The following TLN1 variants were observed in gnomAD, a reference collection of about 807,000 sequenced individuals.
The protein encoded by TLN1 is talin-1.
Under a neutral mutation model 292.3 loss-of-function variants are expected in TLN1, and 56 were observed. That is an observed-to-expected ratio of 0.19 (90% CI 0.15 to 0.24). The LOEUF is 0.24. Among genes scored for constraint, TLN1 ranks in the 10% least tolerant of loss-of-function variants. The probability of loss-of-function intolerance (pLI) is 1.00; values close to 1 mark genes in which losing one functional copy is unlikely to be tolerated. For synonymous variants in TLN1, 1,119 were observed against 1,253.7 expected, an observed-to-expected ratio of 0.89 and a Z score of 2.27; for missense variants, 2,433 against 3,248.2, an observed-to-expected ratio of 0.75 and a Z score of 6.10.
chr9:35,712,648 CAAA>C (rs1282155556), intron 27 of TLN1, among the ~76,000 whole-genome samples, 184 bp downstream of exon 27: 1 of 72,210 alleles, frequency 1.4e-5, no homozygotes, highest in African/African-American at 6.1e-5. Flanking sequence ...AACTCTGTCT[CAAA>C]AAAAAAAAAA....
At chr9:35,729,611 T>C (rs1340130385) in intron 1 of TLN1, among the ~76,000 whole-genome samples, 1 of 152,174 alleles carries the variant, frequency 6.6e-6, no homozygotes. Context: ...TTAGTACAAA[T>C]TAAAGGTAAT....
In TLN1 at chr9:35,707,450, C is replaced by T. The variant is rs1563940669; in HGVS notation, c.4671G>A (p.Gln1557=). The part of the protein sequence containing the change: ...DGAFTEENRA[Q]CRAATAPLLE... ...GCAGAGGGGCTGTTGCTGCTCGGCACTGGGCACGGTTCTCCTCTGTGAAGG... is the reference window on the plus strand; with the variant it reads ...GCAGAGGGGCTGTTGCTGCTCGGCATTGGGCACGGTTCTCCTCTGTGAAGG... Residue 1557 remains glutamine, a synonymous_variant, in exon 36 of 57, where the codon CAG becomes CAA. Coordinates refer to ENST00000314888, the MANE Select transcript of TLN1 (RefSeq NM_006289.4). This position sits in a 1 kb window ranked among gnomAD's most constrained non-coding sequence, Gnocchi z 5.6. 1 of 1,614,180 alleles carries T rather than the reference C, an allele frequency of 6.2e-7. No homozygotes were observed.
At chr9:35,700,409 A>G in intron 48 of TLN1, 33 bp from the exon 49 acceptor site, 2 of 1,582,304 alleles carry the variant, frequency 1.3e-6, no homozygotes, top group South Asian at 1.1e-5. Flanking sequence ...AAGATTTTAC[A>G]GTGGCTGAGA....
chr9:35,726,759 G>A (rs1249999180), intron 1 of TLN1, among the ~76,000 whole-genome samples: 1 of 152,204 alleles, frequency 6.6e-6, no homozygotes, highest in Non-Finnish European at 1.5e-5. Context: ...AACTCAAAGG[G>A]ATCTATCTCA....
intron 8 of TLN1, among the ~76,000 whole-genome samples, chr9:35,722,627 G>A (rs1825897504): frequency 6.6e-6 from 1 of 152,176 alleles, no homozygotes; most frequent in Non-Finnish European, 1.5e-5. Flanking sequence ...CAAATCAGAG[G>A]TAAATAAAAG....
At chr9:35,711,940 G>A in intron 28 of TLN1, 65 bp downstream of exon 28, 1 of 1,599,770 alleles carries the variant, frequency 6.3e-7, no homozygotes, top group Non-Finnish European at 8.5e-7. Context: ...ACAACCGAGA[G>A]GGAGGAAGGA....
At position 35,704,123 on chromosome 9, in the gene TLN1, C is replaced by T; in HGVS notation, c.6099G>A (p.Leu2033=). The T allele has an allele frequency of 1.9e-6, 3 of 1,612,904 alleles. No homozygotes were observed. Among genetic ancestry groups the T allele is most frequent in the Non-Finnish European group, 2.5e-6 (3 of 1,179,460 alleles). Residue 2033 remains leucine, a synonymous_variant, in exon 46 of 57, where the codon CTG becomes CTA. Coordinates refer to ENST00000314888, the MANE Select transcript of TLN1 (RefSeq NM_006289.4). This position sits in a 1 kb window ranked among gnomAD's most constrained non-coding sequence, Gnocchi z 6.9. ...AKVLVEDTKV[L]VQNAAGSQEK... ...CCTGGCTCCCAGCTGCGTTTTGCAC[C>T]AGGACCTTGGTGTCCTCCACCAGCA...
Position 35,726,473 on chromosome 9 carries a change from G to A in TLN1, c.-33-746C>T, listed in dbSNP as rs575332184. ...GTGTCCTGCTGGCTCTTCCCTGTCC[G>A]GGATTTTCAGAGCTCTCTTCTCACC... is the stretch of plus-strand genomic sequence containing the variant. On this transcript the variant is annotated intron_variant, in intron 1 of 56. Transcript: ENST00000314888. 2.0e-5 allele frequency among the ~76,000 whole-genome samples: 3 copies of A among 152,228 alleles called. No individual in the cohort carries two copies. In the South Asian group the frequency reaches 6.2e-4, roughly 32 times the overall value.
intron 1 of TLN1, among the ~76,000 whole-genome samples, chr9:35,730,124 G>T (rs1826047590): frequency 6.6e-6 from 1 of 151,814 alleles, no homozygotes; most frequent in African/African-American, 2.4e-5. Context: ...ATGATGGGGT[G>T]AGGTCAGAGG....
In TLN1 at chr9:35,704,903, A is replaced by C; in HGVS notation, c.5734-88T>G. 1 of 1,320,622 alleles carries C rather than the reference A, an allele frequency of 7.6e-7. No individual in the cohort carries two copies. The highest frequency in any genetic ancestry group is 9.9e-7 in the Non-Finnish European group (1 of 1,008,742). The allele number at this position is 1,320,622 out of a possible 1,614,324, so 81.8% of individuals were successfully genotyped here. A position where few individuals can be genotyped will look rare whatever the true frequency, so the allele number is the denominator to read the frequency against. On this transcript the variant is annotated intron_variant, in intron 43 of 56. Coordinates refer to ENST00000314888, the MANE Select transcript of TLN1 (RefSeq NM_006289.4). The surrounding 1 kb of genome is among the most constrained non-coding windows in gnomAD (Gnocchi z 6.9). ...TTGGAAAAGTCACTAAGGACATAGA[A>C]AAAAACATGCATTGTAGACTAAAGA...
At position 35,719,896 on chromosome 9, in the gene TLN1, G is replaced by A; in HGVS notation, c.1465-43C>T. The stretch of plus-strand genomic sequence containing the variant: ...GAAACAGGGACTGGAATGGATGTTT[G>A]GAGAAAAGAGAAGGTAAAAGAGAAC... On this transcript the variant is annotated intron_variant, in intron 13 of 56. Transcript: ENST00000314888. The surrounding 1 kb of genome is among the most constrained non-coding windows in gnomAD (Gnocchi z 4.6). The A allele has an allele frequency of 6.4e-7, 1 of 1,568,348 alleles. No individual in the cohort carries two copies. The highest frequency in any genetic ancestry group is 8.7e-7 in the Non-Finnish European group (1 of 1,153,914).
At position 35,698,080 on chromosome 9, in the gene TLN1, CACT is replaced by C. The variant is rs1171714790; in HGVS notation, c.7461_7463del (p.Val2490del). 4 of 1,614,040 alleles carry C rather than the reference CACT, an allele frequency of 2.5e-6. No homozygotes were observed. Among genetic ancestry groups the C allele is most frequent in the African/African-American group, 1.3e-5 (1 of 74,938 alleles). ...CGCCAACCATCTTCTCTTTCACCAC[CACT>C]GTCTCATTCTCCTGCTCTTCAAAGG... On this transcript the variant is annotated inframe_deletion, in exon 56 of 57. Coordinates refer to ENST00000314888, the MANE Select transcript of TLN1 (RefSeq NM_006289.4). The surrounding 1 kb of genome is among the most constrained non-coding windows in gnomAD (Gnocchi z 5.3).
Position 35,719,937 on chromosome 9 carries a change from G to C in TLN1, c.1465-84C>G. 3 of 1,583,380 alleles carry C rather than the reference G, an allele frequency of 1.9e-6. No homozygotes were observed. The highest frequency in any genetic ancestry group is 2.6e-6 in the Non-Finnish European group (3 of 1,160,088). On this transcript the variant is annotated intron_variant, in intron 13 of 56. Coordinates refer to ENST00000314888, the MANE Select transcript of TLN1 (RefSeq NM_006289.4). The surrounding 1 kb of genome is among the most constrained non-coding windows in gnomAD (Gnocchi z 4.6). ...AAAAGAGAACCAGGGTCTAGGGAGA[G>C]AATACAAATAGGGACCTGGGAAAAG...
chr9:35,707,905 A>G lies in TLN1; in HGVS notation c.4471-13T>C, dbSNP rs772199938. The G allele has an allele frequency of 3.1e-6, 5 of 1,612,642 alleles. No individual in the cohort carries two copies. Among genetic ancestry groups the G allele is most frequent in the Non-Finnish European group, 4.2e-6 (5 of 1,178,886 alleles). ...CTGCAGAGAGCACCTGAGGAGACAC[A>G]TGGAAGAGCCACGATGAGGGCAGGA... On this transcript the variant is annotated splice_polypyrimidine_tract_variant and intron_variant, in intron 34 of 56. Coordinates refer to ENST00000314888, the MANE Select transcript of TLN1 (RefSeq NM_006289.4). The surrounding 1 kb of genome is among the most constrained non-coding windows in gnomAD (Gnocchi z 5.6).
At position 35,724,184 on chromosome 9, in the gene TLN1, C is replaced by T. The variant is rs1185319515; in HGVS notation, c.654+8G>A. ...TCCTGCCCCACCCCAGCCAAGTCCT[C>T]TGCATACCTGCACATACAGGAGGTT... On this transcript the variant is annotated splice_region_variant and intron_variant, in intron 6 of 56. Transcript: ENST00000314888. This position sits in a 1 kb window ranked among gnomAD's most constrained non-coding sequence, Gnocchi z 4.7. The T allele has an allele frequency of 6.2e-7, 1 of 1,614,200 alleles. No individual in the cohort carries two copies. The highest frequency in any genetic ancestry group is 1.3e-5 in the African/African-American group (1 of 75,038).
At chr9:35,731,133 T>A (rs80034550) in intron 1 of TLN1, among the ~76,000 whole-genome samples, 4,759 of 152,224 alleles carry the variant, frequency 0.031, 99 homozygotes, top group Admixed American at 0.056. Context: ...AGTTTATCTC[T>A]CTGGGTAAAA....
In TLN1 at chr9:35,704,032, G is replaced by A; in HGVS notation, c.6190C>T (p.Leu2064=). The A allele has an allele frequency of 6.2e-7, 1 of 1,613,836 alleles. No homozygotes were observed. The highest frequency in any genetic ancestry group is 1.3e-5 in the African/African-American group (1 of 75,058). ...TCAGCTCCCAGGCTGGCTGCACCCA[G>A]CTTGACCACATCAGCGAGGCGGGTG... ...TITRLADVVK[L]GAASLGAEDP... is the part of the protein sequence containing the mutation. The change falls in exon 46 of 57, where the codon CTG becomes TTG. Residue 2064 remains leucine (L), a synonymous_variant. Coordinates refer to ENST00000314888, the MANE Select transcript of TLN1 (RefSeq NM_006289.4). The surrounding 1 kb of genome is among the most constrained non-coding windows in gnomAD (Gnocchi z 6.9).
At chr9:35,709,362 G>A (rs1563941358) in intron 33 of TLN1, among the ~76,000 whole-genome samples, 2 of 152,304 alleles carry the variant, frequency 1.3e-5, no homozygotes, top group South Asian at 2.1e-4. Context: ...AGAGCAAGGC[G>A]CCTATTCTGA....
intron 28 of TLN1, 22 bp downstream of exon 28, chr9:35,711,983 C>A: frequency 6.2e-7 from 1 of 1,612,034 alleles, no homozygotes; most frequent in South Asian, 1.1e-5. Context: ...CTACGTTCCC[C>A]CACCCCCTAC....
Sources: allele counts gnomAD v4.1 joint callset (sites outside exome capture counted in the v4.1 genomes callset), GRCh38; gene constraint gnomAD v4.1.1; non-coding constraint Gnocchi (gnomAD v3.1); transcripts MANE v1.5; gene names NCBI Gene and HGNC (gene_info 2026-07-23, HGNC 2026-07-21).